The following ANO3 variants were observed in gnomAD, a reference collection of about 807,000 sequenced individuals.
The protein encoded by ANO3 is anoctamin 3.
A neutral mutation model predicts 144.8 loss-of-function variants in ANO3; 99 were observed. The observed-to-expected ratio is 0.68, with a 90% CI of 0.58 to 0.81. The LOEUF is 0.81. ANO3 is among the 30% of genes least tolerant of loss of function. ANO3 has a pLI of 0.00. For missense variants in ANO3, 905 were observed against 1,202.2 expected, an observed-to-expected ratio of 0.75 and a Z score of 3.66; for synonymous variants, 414 against 392.6, an observed-to-expected ratio of 1.05 and a Z score of -0.64.
In ANO3 at chr11:26,590,000, CTA is replaced by C. The variant is rs375319646; in HGVS notation, c.1448-8362_1448-8361del. ...GTGTAAGAGAAGCTGATAAGAGGATCTATAGAGAGCTCGTGACATTTCTGACC... is the reference window on the plus strand; with the variant it reads ...GTGTAAGAGAAGCTGATAAGAGGATCTAGAGAGCTCGTGACATTTCTGACC... On this transcript the variant is annotated intron_variant, in intron 14 of 26. Transcript: ENST00000256737. 4.9e-4 allele frequency among the ~76,000 whole-genome samples: 74 copies of C among 152,290 alleles called. No individual in the cohort carries two copies. In the East Asian group the frequency reaches 0.014, roughly 29 times the overall value.
At chr11:26,569,960 G>C (rs1850755033) in intron 14 of ANO3, among the ~76,000 whole-genome samples, 1 of 151,970 alleles carries the variant, frequency 6.6e-6, no homozygotes, top group Non-Finnish European at 1.5e-5. Flanking sequence ...CATCTGGGTG[G>C]TAGCTCCTAA....
intron 14 of ANO3, among the ~76,000 whole-genome samples, chr11:26,593,267 G>C (rs529079381): frequency 6.6e-6 from 1 of 152,310 alleles, no homozygotes; most frequent in East Asian, 1.9e-4. Flanking sequence ...CCTAATTCAA[G>C]TGTATAATGG....
intron 1 of ANO3, among the ~76,000 whole-genome samples, chr11:26,366,783 G>C (rs1386684075): frequency 6.9e-6 from 1 of 145,946 alleles, no homozygotes; most frequent in Non-Finnish European, 1.5e-5. Context: ...CTTCTTTTGA[G>C]AAATGTCTGT....
chr11:26,629,533 T>G (rs1004583192), intron 18 of ANO3, among the ~76,000 whole-genome samples: 1 of 152,196 alleles, frequency 6.6e-6, no homozygotes, highest in Non-Finnish European at 1.5e-5. Context: ...AAAAGAAATA[T>G]GTATGGAGGA....
intron 4 of ANO3, among the ~76,000 whole-genome samples, chr11:26,488,159 C>T (rs1860541395): frequency 6.6e-6 from 1 of 151,846 alleles, no homozygotes; most frequent in African/African-American, 2.4e-5. Flanking sequence ...AGTGAGGCTC[C>T]ATCTCAAAAA....
At chr11:26,309,979 C>T (rs1419609744) in intron 1 of ANO3, among the ~76,000 whole-genome samples, 1 of 152,148 alleles carries the variant, frequency 6.6e-6, no homozygotes, top group African/African-American at 2.4e-5. Flanking sequence ...CATACAAAAA[C>T]ATTTGCACCA....
rs535463902 is a variant in ANO3, at chr11:26,394,841, G to A, written c.47-47077G>A. The stretch of plus-strand genomic sequence containing the variant: ...TCCGCCCACCTCAGCCACACAAAGT[G>A]CTGGGATTACAGGCTTGAGCCATAG... On this transcript the variant is annotated intron_variant, in intron 1 of 26. Coordinates refer to ENST00000256737, the MANE Select transcript of ANO3 (RefSeq NM_031418.4). 2.0e-5 allele frequency among the ~76,000 whole-genome samples: 3 copies of A among 152,198 alleles called. No homozygotes were observed. The South Asian group carries it at 6.2e-4, about 32-fold the overall frequency.
intron 7 of ANO3, among the ~76,000 whole-genome samples, chr11:26,527,740 T>G (rs142260206): frequency 1.1e-4 from 16 of 152,300 alleles, no homozygotes; most frequent in Admixed American, 5.2e-4. Context: ...AAGGATGTTG[T>G]TGGTTTTATT....
At chr11:26,340,753 C>T (rs921626974) in intron 1 of ANO3, among the ~76,000 whole-genome samples, 1 of 152,182 alleles carries the variant, frequency 6.6e-6, no homozygotes, top group African/African-American at 2.4e-5. Flanking sequence ...TGTATACATG[C>T]ATTTCATACA....
At chr11:26,273,238 T>G (rs1853483855) in intron 1 of ANO3, among the ~76,000 whole-genome samples, 1 of 146,650 alleles carries the variant, frequency 6.8e-6, no homozygotes, top group Non-Finnish European at 1.5e-5. Flanking sequence ...TTTTTTTTTT[T>G]TTTTTTTATA....
chr11:26,514,396 G>A (rs1447663994), intron 5 of ANO3, among the ~76,000 whole-genome samples: 1 of 152,044 alleles, frequency 6.6e-6, no homozygotes, highest in Non-Finnish European at 1.5e-5. Context: ...TTAGGCATGG[G>A]CACTTTATGA....
chr11:26,526,524 A>T (rs747262965), intron 7 of ANO3, among the ~76,000 whole-genome samples: 1 of 152,166 alleles, frequency 6.6e-6, no homozygotes, highest in South Asian at 2.1e-4. Context: ...CTAGAACTGT[A>T]TGGTGTGAAT....
At chr11:26,349,068 G>A (rs1338049171) in intron 1 of ANO3, among the ~76,000 whole-genome samples, 1 of 152,176 alleles carries the variant, frequency 6.6e-6, no homozygotes, top group Non-Finnish European at 1.5e-5. Flanking sequence ...GAAAGAAAAT[G>A]TCATGGGCTT....
At chr11:26,567,206 T>C in intron 14 of ANO3, 4 of 1,009,614 alleles carry the variant, frequency 4.0e-6, no homozygotes, top group Non-Finnish European at 5.2e-6. Context: ...GAGGCTAAAA[T>C]TTGCAGTGCT....
chr11:26,357,880 A>G (rs1855824130), intron 1 of ANO3, among the ~76,000 whole-genome samples: 1 of 152,184 alleles, frequency 6.6e-6, no homozygotes, highest in South Asian at 2.1e-4. Context: ...TATATGGATC[A>G]GAATGTTTTT....
chr11:26,626,186 CT>C (rs1852578003), intron 18 of ANO3, among the ~76,000 whole-genome samples: 1 of 152,122 alleles, frequency 6.6e-6, no homozygotes, highest in Non-Finnish European at 1.5e-5. Context: ...CAATGATGTA[CT>C]TTGGTGAAAA....
chr11:26,260,586 A>G lies in ANO3; in HGVS notation c.155-49059A>G, dbSNP rs56300475. On this transcript the variant is annotated intron_variant, in intron 1 of 27. Coordinates refer to the ANO3 transcript ENST00000672621. ...ATAACACTTTAGAAGGGAACAATGA[A>G]AACAACCAGAAACTAGGGCAAGAAA... is the stretch of plus-strand genomic sequence containing the variant. Among the ~76,000 whole-genome samples, 376 of 152,240 alleles carry G rather than the reference A, an allele frequency of 2.5e-3. 3 individuals carry two copies. Among genetic ancestry groups the G allele is most frequent in the Middle Eastern group, 0.014 (4 of 294 alleles).
intron 1 of ANO3, among the ~76,000 whole-genome samples, chr11:26,245,020 T>TGTGTGTGTGTGTGCGC (rs1261271327): frequency 1.4e-5 from 2 of 141,510 alleles, no homozygotes; most frequent in African/African-American, 5.3e-5. Context: ...TGTGTGTGTG[T>TGTGTGTGTGTGTGCGC]GCATGCATGC....
chr11:26,657,280 C>T (rs1853718332), intron 26 of ANO3, among the ~76,000 whole-genome samples: 1 of 152,102 alleles, frequency 6.6e-6, no homozygotes, highest in Admixed American at 6.6e-5. Context: ...AGTGAAGTAT[C>T]CTTCATCTTT....
Sources: gnomAD v4.1 joint callset for allele counts (sites outside exome capture counted in the v4.1 genomes callset) on GRCh38, gnomAD v4.1.1 for gene constraint, MANE v1.5 for transcripts, NCBI Gene and HGNC (gene_info 2026-07-23, HGNC 2026-07-21) for gene names.